Variants in CAPN3 observed in about 807,000 individuals in gnomAD.
CAPN3 encodes calpain-3.
CAPN3 carries 88 observed loss-of-function variants against 114.0 expected under a neutral mutation model. The observed-to-expected ratio is 0.77, with a 90% CI of 0.65 to 0.92. CAPN3 has a LOEUF of 0.92. CAPN3 is among the 40% of genes least tolerant of loss of function. CAPN3 has a pLI of 0.00. For synonymous variants in CAPN3, 386 were observed against 382.9 expected (o/e 1.01, Z -0.09); for missense variants, 1,028 against 1,069.0 (o/e 0.96, Z 0.53).
At chr15:42,369,870 CTTTTT>C (rs748584513) in intron 1 of CAPN3, among the ~76,000 whole-genome samples, 3 of 127,036 alleles carry the variant, frequency 2.4e-5, no homozygotes, top group Non-Finnish European at 3.3e-5. Context: ...TTCTTTCTTT[CTTTTT>C]TTTTTTTTTT....
At chr15:42,389,883 C>T in intron 5 of CAPN3, 70 bp from the exon 6 acceptor site, 1 of 1,529,260 alleles carries the variant, frequency 6.5e-7, no homozygotes, top group Non-Finnish European at 9.1e-7. Flanking sequence ...TCTCTCCTTC[C>T]CTTTCCACCC....
chr15:42,397,740 C>T (rs577292121), intron 9 of CAPN3, among the ~76,000 whole-genome samples: 4 of 152,020 alleles, frequency 2.6e-5, no homozygotes, highest in South Asian at 4.2e-4. Flanking sequence ...ATAATAGAGA[C>T]GGGCCTCGCT....
At chr15:42,387,708 A>G in intron 3 of CAPN3, 45 bp from the exon 4 acceptor site, 2 of 1,613,120 alleles carry the variant, frequency 1.2e-6, no homozygotes, top group Non-Finnish European at 1.7e-6. Context: ...ACATTTCCTA[A>G]CAGTAATTTG....
At chr15:42,401,065 G>A (rs1333983272) in intron 10 of CAPN3, among the ~76,000 whole-genome samples, 2 of 151,922 alleles carry the variant, frequency 1.3e-5, no homozygotes, top group Non-Finnish European at 2.9e-5. Flanking sequence ...ATGATGGTGG[G>A]TGCCTGTAAT....
chr15:42,411,403 A>G, intron 23 of CAPN3, 58 bp downstream of exon 23: 2 of 1,481,156 alleles, frequency 1.4e-6, no homozygotes. Flanking sequence ...TGGAGGGGTC[A>G]ACGGGGCGGA....
Position 42,391,692 on chromosome 15 carries a change from TC to T in CAPN3, c.946-942del, listed in dbSNP as rs1199842270. On this transcript the variant is annotated intron_variant, in intron 6 of 23. Transcript: ENST00000397163. ...AGTGATCCTGCCCTTCTGCCAAGGA[TC>T]CCCCATGGCTGCAACTTGGAAATTT... Among the ~76,000 whole-genome samples, 4 of 152,198 alleles carry T rather than the reference TC, an allele frequency of 2.6e-5. No individual in the cohort carries two copies. The East Asian group carries it at 7.7e-4, about 29-fold the overall frequency.
At chr15:42,411,486 G>A in intron 23 of CAPN3, 141 bp downstream of exon 23, 1 of 856,982 alleles carries the variant, frequency 1.2e-6, no homozygotes, top group Non-Finnish European at 2.0e-6. Flanking sequence ...ATGGAGGGAG[G>A]CTCAGCAGGC....
chr15:42,388,889 A>G lies in CAPN3; in HGVS notation c.633-39A>G, dbSNP rs781377332. The G allele has an allele frequency of 4.4e-6, 7 of 1,606,268 alleles. No homozygotes were observed. The Admixed American group carries it at 1.2e-4, about 27-fold the overall frequency. On this transcript the variant is annotated intron_variant, in intron 4 of 23. Coordinates refer to ENST00000397163, the MANE Select transcript of CAPN3 (RefSeq NM_000070.3). ...TGGTACCTGGGTTTTGTTCCCTGGAACTCTGTGACCCCAAATTGGTCTTCA... is the reference window on the plus strand; with the variant it reads ...TGGTACCTGGGTTTTGTTCCCTGGAGCTCTGTGACCCCAAATTGGTCTTCA...
At chr15:42,367,298 G>GGA (rs1283829473) in intron 1 of CAPN3, among the ~76,000 whole-genome samples, 1 of 152,168 alleles carries the variant, frequency 6.6e-6, no homozygotes. Flanking sequence ...GGAGCTGCTA[G>GGA]GAACCGGCTG....
At chr15:42,408,374 TCCTATG>T in intron 16 of CAPN3, 50 bp downstream of exon 16, 1 of 1,148,836 alleles carries the variant, frequency 8.7e-7, no homozygotes, top group Non-Finnish European at 1.3e-6. Context: ...TACAGGGGCT[TCCTATG>T]CGCTTGGGAT....
At chr15:42,366,294 G>A (rs8035332) in intron 1 of CAPN3, among the ~76,000 whole-genome samples, 5,776 of 152,080 alleles carry the variant, frequency 0.038, 338 homozygotes, top group African/African-American at 0.12. Context: ...TCTTTCTTCC[G>A]TGCTGTCTAT....
chr15:42,408,169 G>A (rs750075745), intron 15 of CAPN3, 42 bp from the exon 16 acceptor site: 8 of 1,368,574 alleles, frequency 5.8e-6, no homozygotes, highest in African/African-American at 1.4e-5. Context: ...TGTTCAGACT[G>A]TAATCCTCCC....
In CAPN3 at chr15:42,412,253, A is replaced by AACTC. The variant is rs780202767; in HGVS notation, c.*482_*485dup. The AACTC allele has an allele frequency of 5.6e-5, 80 of 1,426,520 alleles. No homozygotes were observed. Among genetic ancestry groups the AACTC allele is most frequent in the East Asian group, 2.0e-4 (8 of 40,316 alleles). The allele number at this position is 1,426,520 out of a possible 1,614,324, so 88.4% of individuals were successfully genotyped here. ...TAGGGCTGGTTACTTTGGGCTGTCC[A>AACTC]ACTCATAAGTTTGGCTGCATTTTGA... is the stretch of plus-strand genomic sequence containing the variant. On this transcript the variant is annotated 3_prime_UTR_variant, in exon 24 of 24. Coordinates refer to ENST00000397163, the MANE Select transcript of CAPN3 (RefSeq NM_000070.3).
At chr15:42,409,667 G>T in intron 17 of CAPN3, 120 bp from the exon 18 acceptor site, 1 of 978,914 alleles carries the variant, frequency 1.0e-6, no homozygotes, top group South Asian at 1.3e-5. Context: ...AGCTTCCCAT[G>T]ACATAATAGC....
rs776998932 is a variant in CAPN3 at position 42,410,987 on chromosome 15, G to A, written c.2367G>A (p.Leu789=). The A allele has an allele frequency of 1.9e-6, 3 of 1,613,446 alleles. No individual in the cohort carries two copies. The highest frequency in any genetic ancestry group is 2.2e-5 in the South Asian group (2 of 91,066). Residue 789 remains leucine, a synonymous_variant, in exon 22 of 24, where the codon CTG becomes CTA. Transcript: ENST00000397163. The stretch of plus-strand genomic sequence containing the variant: ...GTTTCATCTGCTGCTTCGTTAGGCT[G>A]GAGGGCATGTTCAGTAAGTGGGAGA... ...FDSFICCFVR[L]EGMFRAFHAF...
intron 1 of CAPN3, among the ~76,000 whole-genome samples, chr15:42,373,589 T>A (rs1425650975): frequency 6.6e-6 from 1 of 152,230 alleles, no homozygotes; most frequent in Non-Finnish European, 1.5e-5. Flanking sequence ...TGACACACAT[T>A]CATCTGCTTT....
Position 42,390,081 on chromosome 15 carries a change from T to A in CAPN3, c.930T>A (p.Asp310Glu). The A allele has an allele frequency of 6.2e-7, 1 of 1,614,150 alleles. No individual in the cohort carries two copies. ...QDSDLDPRGS[D>E]ERPTRTIIPV... is the part of the protein sequence containing the mutation. ...CAGACCTCGACCCCAGAGGCTCAGA[T>A]GAAAGACCGACCCGGGTGTGTACAC... is the stretch of plus-strand genomic sequence containing the variant. The change falls in exon 6 of 24, where the codon GAT (aspartate) becomes GAA (glutamate). Residue 310 changes from aspartate (D) to glutamate (E), a missense_variant. Asp to Glu is a conservative substitution (Grantham distance 45). Transcript: ENST00000397163.
intron 1 of CAPN3, 27 bp from the exon 2 acceptor site, chr15:42,384,456 C>G: frequency 6.5e-7 from 1 of 1,543,814 alleles, no homozygotes; most frequent in Non-Finnish European, 9.0e-7. Context: ...GTTATTCTTA[C>G]CTGGTCATTT....
At chr15:42,393,597 T>C (rs1002994704) in intron 7 of CAPN3, among the ~76,000 whole-genome samples, 3 of 95,706 alleles carry the variant, frequency 3.1e-5, no homozygotes, top group African/African-American at 2.1e-4. Flanking sequence ...CTTTCTTTCT[T>C]TTTTTTTTTT....
Sources: gnomAD v4.1 joint callset for allele counts (sites outside exome capture counted in the v4.1 genomes callset) on GRCh38, gnomAD v4.1.1 for gene constraint, MANE v1.5 for transcripts, NCBI Gene and HGNC (gene_info 2026-07-23, HGNC 2026-07-21) for gene names.